RABGEF1: variants seen among roughly 807,000 people sequenced by gnomAD.
The protein encoded by RABGEF1 is RAB guanine nucleotide exchange factor 1.
A neutral mutation model predicts 57.3 loss-of-function variants in RABGEF1; 26 were observed. That is an observed-to-expected ratio of 0.45 (90% confidence interval 0.33 to 0.63). RABGEF1 has a LOEUF of 0.63. RABGEF1 is among the 20% of genes least tolerant of loss of function. The probability of loss-of-function intolerance (pLI) is 0.02; values close to 1 mark genes in which losing one functional copy is unlikely to be tolerated. For missense variants in RABGEF1, 464 were observed against 607.6 expected (o/e 0.76, Z 2.48); for synonymous variants, 185 against 210.7 (o/e 0.88, Z 1.06).
intron 1 of RABGEF1, among the ~76,000 whole-genome samples, chr7:66,702,733 T>C (rs1793479490): frequency 6.6e-6 from 1 of 152,214 alleles, no homozygotes; most frequent in Non-Finnish European, 1.5e-5. Flanking sequence ...TTAATGATGT[T>C]GAACAGATTT....
At chr7:66,670,077 C>T in the RABGEF1 span, among the ~76,000 whole-genome samples, 4 of 152,096 alleles carry the variant, frequency 2.6e-5, no homozygotes, top group African/African-American at 4.8e-5. Flanking sequence ...CTTCTTAAAC[C>T]GCCCCTTTCC....
intron 5 of RABGEF1, 75 bp from the exon 6 acceptor site, chr7:66,797,295 CTCTT>C: frequency 7.5e-7 from 1 of 1,324,972 alleles, no homozygotes; most frequent in South Asian, 1.4e-5. Flanking sequence ...CAGAGCCAGA[CTCTT>C]TGTTTGCAAA....
chr7:66,755,059 C>T (rs1418052524), intron 1 of RABGEF1, among the ~76,000 whole-genome samples: 1 of 152,130 alleles, frequency 6.6e-6, no homozygotes, highest in African/African-American at 2.4e-5. Flanking sequence ...CTTTGGGAGG[C>T]CAAGGCAGGC....
intron 2 of RABGEF1, among the ~76,000 whole-genome samples, chr7:66,716,213 C>T (rs1218966528): frequency 6.6e-6 from 1 of 152,104 alleles, no homozygotes; most frequent in Admixed American, 6.6e-5. Flanking sequence ...TATAGTTTGT[C>T]TTATGTAAAT....
At chr7:66,715,881 A>G (rs1474888497) in intron 2 of RABGEF1, among the ~76,000 whole-genome samples, 1 of 152,104 alleles carries the variant, frequency 6.6e-6, no homozygotes, top group African/African-American at 2.4e-5. Context: ...CGCCTCCTGA[A>G]TAGCTGGGAT....
At chr7:66,720,038 A>G (rs1456762181) in intron 2 of RABGEF1, among the ~76,000 whole-genome samples, 1 of 152,128 alleles carries the variant, frequency 6.6e-6, no homozygotes, top group Admixed American at 6.6e-5. Flanking sequence ...CCAGAAATAC[A>G]ATGTTGCTTT....
chr7:66,740,396 C>A (rs923132036), upstream of RABGEF1: 2 of 152,314 alleles, frequency 1.3e-5, no homozygotes, highest in African/African-American at 4.8e-5. Flanking sequence ...GCGGCCGCAG[C>A]CCCAGGAGTC....
At position 66,783,716 on chromosome 7, in the gene RABGEF1, C is replaced by A; in HGVS notation, c.388C>A (p.Gln130Lys). The change falls in exon 4 of 9, where the codon CAA (glutamine) becomes AAA (lysine). Residue 130 changes from glutamine (Q) to lysine (K), a missense_variant. Physicochemically the swap from Gln to Lys is moderately conservative, Grantham distance 53 (BLOSUM62 1). Coordinates refer to ENST00000284957, the MANE Select transcript of RABGEF1 (RefSeq NM_014504.3). The part of the protein sequence containing the change: ...AKAPSPSINR[Q>K]TSIETDRVSK... ...AGCTCCCAGTCCTTCCATAAACCGG[C>A]AAACCAGCATTGAAACGGATAGAGT... 6.2e-7 allele frequency: 1 copy of A among 1,611,402 alleles called. No homozygotes were observed. Among genetic ancestry groups the A allele is most frequent in the East Asian group, 2.2e-5 (1 of 44,796 alleles).
At chr7:66,749,840 G>C (rs1801020416) in intron 1 of RABGEF1, among the ~76,000 whole-genome samples, 1 of 152,122 alleles carries the variant, frequency 6.6e-6, no homozygotes, top group Non-Finnish European at 1.5e-5. Flanking sequence ...TGGGTGTGAT[G>C]GTGGGCGCCT....
At chr7:66,668,545 AG>A in the RABGEF1 span, among the ~76,000 whole-genome samples, 1 of 152,026 alleles carries the variant, frequency 6.6e-6, no homozygotes, top group African/African-American at 2.4e-5. Flanking sequence ...GACCCTCTGG[AG>A]AGGGGGGGAT....
At chr7:66,746,265 A>G (rs532295817) in intron 1 of RABGEF1, among the ~76,000 whole-genome samples, 1 of 151,976 alleles carries the variant, frequency 6.6e-6, no homozygotes, top group South Asian at 2.1e-4. Flanking sequence ...CAATGAAGTT[A>G]CTGTCAGTGG....
intron 1 of RABGEF1, among the ~76,000 whole-genome samples, chr7:66,691,034 T>C (rs977114662): frequency 6.6e-6 from 1 of 152,098 alleles, no homozygotes; most frequent in African/African-American, 2.4e-5. Flanking sequence ...GGGGTTGCAG[T>C]GAGCCGTGAT....
chr7:66,756,070 C>T, intron 1 of RABGEF1: 1 of 1,492,190 alleles, frequency 6.7e-7, no homozygotes, highest in South Asian at 1.3e-5. Context: ...CGTCTTCATA[C>T]CATGAAGGTG....
intron 2 of RABGEF1, among the ~76,000 whole-genome samples, chr7:66,730,377 G>A (rs1797166161): frequency 6.6e-6 from 1 of 152,110 alleles, no homozygotes; most frequent in Middle Eastern, 3.4e-3. Flanking sequence ...CCACATAAAG[G>A]CATCTTAAAC....
chr7:66,800,628 G>T, intron 7 of RABGEF1, among the ~76,000 whole-genome samples: 1 of 152,182 alleles, frequency 6.6e-6, no homozygotes, highest in Non-Finnish European at 1.5e-5. Context: ...GAAGGTGGAG[G>T]CCTTCTAAAA....
intron 1 of RABGEF1, among the ~76,000 whole-genome samples, chr7:66,691,732 A>C (rs1326789314): frequency 6.6e-6 from 1 of 152,126 alleles, no homozygotes. Flanking sequence ...CTGAAGGCTA[A>C]TGTAAGTGTT....
At chr7:66,720,508 T>TAA (rs34361821) in intron 2 of RABGEF1, among the ~76,000 whole-genome samples, 38 of 142,308 alleles carry the variant, frequency 2.7e-4, no homozygotes, top group East Asian at 8.0e-4. Flanking sequence ...CACTGATAAT[T>TAA]AAAAAAAAAA....
intron 1 of RABGEF1, among the ~76,000 whole-genome samples, chr7:66,684,825 G>A (rs1410778809): frequency 2.0e-5 from 3 of 151,814 alleles, no homozygotes; most frequent in African/African-American, 4.8e-5. Context: ...TAGTAGGGAC[G>A]GGGGTTTCAC....
intron 1 of RABGEF1, among the ~76,000 whole-genome samples, chr7:66,698,337 C>T (rs2117216331): frequency 6.6e-6 from 1 of 152,300 alleles, no homozygotes; most frequent in Non-Finnish European, 1.5e-5. Flanking sequence ...ACCCCCAGGG[C>T]AAGGCCTGTC....
Sources: gnomAD v4.1 joint callset for allele counts (sites outside exome capture counted in the v4.1 genomes callset) on GRCh38, gnomAD v4.1.1 for gene constraint, MANE v1.5 for transcripts, NCBI Gene and HGNC (gene_info 2026-07-23, HGNC 2026-07-21) for gene names.